Variants in PCED1B observed in about 807,000 individuals in gnomAD.
The protein encoded by PCED1B is PC-esterase domain-containing protein 1B.
For synonymous variants in PCED1B, 251 were observed against 246.1 expected (o/e 1.02, Z -0.19); for missense variants, 573 against 573.9 (o/e 1.00, Z 0.02).
chr12:47,213,101 A>G (rs79924760), intron 2 of PCED1B, among the ~76,000 whole-genome samples: 4,420 of 152,312 alleles, frequency 0.029, 91 homozygotes, highest in Non-Finnish European at 0.037. Context: ...TCAATCTGTA[A>G]CATCCCAAAT....
chr12:47,191,817 T>C (rs530428524), intron 2 of PCED1B, among the ~76,000 whole-genome samples: 1 of 152,054 alleles, frequency 6.6e-6, no homozygotes, highest in African/African-American at 2.4e-5. Context: ...GTGCTTTTTT[T>C]TTTAAGGACC....
intron 1 of PCED1B, among the ~76,000 whole-genome samples, chr12:47,099,229 G>T (rs1274970654): frequency 6.6e-6 from 1 of 152,222 alleles, no homozygotes; most frequent in Admixed American, 6.5e-5. Flanking sequence ...GACAGTAAGG[G>T]ATAACAATTC....
chr12:47,120,845 C>A (rs1315176892), intron 2 of PCED1B, among the ~76,000 whole-genome samples: 4 of 151,924 alleles, frequency 2.6e-5, no homozygotes, highest in Non-Finnish European at 5.9e-5. Flanking sequence ...CATGCTACAA[C>A]GTGGATGAAG....
In PCED1B at chr12:47,202,972, CT is replaced by C. The variant is rs59472089; in HGVS notation, c.-525-13236del. ...GTAAAGAATTACTTCTCTTTTCTTT[CT>C]TTTTTTTTTTTTTCCTGAGACAGTC... is the stretch of plus-strand genomic sequence containing the variant. On this transcript the variant is annotated intron_variant, in intron 2 of 3. Transcript: ENST00000546455. 6.5e-3 allele frequency among the ~76,000 whole-genome samples: 928 copies of C among 142,568 alleles called. 4 individuals are homozygous for C. Among genetic ancestry groups the C allele is most frequent in the African/African-American group, 0.016 (606 of 39,006 alleles). The allele number at this position is 142,568 out of a possible 152,430, so 93.5% of individuals were successfully genotyped here. A position where few individuals can be genotyped will look rare whatever the true frequency, so the allele number is the denominator to read the frequency against.
At position 47,236,281 on chromosome 12, in the gene PCED1B, T is replaced by C. The variant is rs759961201; in HGVS notation, c.1218T>C (p.Arg406=). ...GGGGTTTTGGCAGGTATCGTCCCCG[T>C]GGCCCCTATACGCCCTGGGGACAGC... is the stretch of plus-strand genomic sequence containing the variant. ...VHRGFGRYRP[R]GPYTPWGQRP... is the part of the protein sequence containing the mutation. Residue 406 remains arginine (R), a synonymous_variant, in exon 4 of 4, where the codon CGT becomes CGC. Coordinates refer to ENST00000546455, the MANE Select transcript of PCED1B (RefSeq NM_138371.3). The C allele has an allele frequency of 1.4e-5, 22 of 1,614,010 alleles. No homozygotes were observed. Among genetic ancestry groups the C allele is most frequent in the Non-Finnish European group, 1.8e-5 (21 of 1,180,018 alleles).
intron 2 of PCED1B, among the ~76,000 whole-genome samples, chr12:47,127,870 T>C (rs1166195278): frequency 6.6e-6 from 1 of 152,222 alleles, no homozygotes; most frequent in East Asian, 1.9e-4. Context: ...AATTGATTGA[T>C]AGTGTTGTTC....
chr12:47,145,613 G>A (rs558737981), intron 2 of PCED1B, among the ~76,000 whole-genome samples: 34 of 152,144 alleles, frequency 2.2e-4, no homozygotes, highest in Non-Finnish European at 4.7e-4. Context: ...AAATCCTAGG[G>A]CTCTTAGGAA....
At chr12:47,131,298 C>T (rs1320718771) in intron 2 of PCED1B, among the ~76,000 whole-genome samples, 1 of 152,192 alleles carries the variant, frequency 6.6e-6, no homozygotes, top group Non-Finnish European at 1.5e-5. Context: ...CAATCCTTGA[C>T]CTCAGAATGC....
chr12:47,150,295 GC>G (rs1348136157), intron 2 of PCED1B, among the ~76,000 whole-genome samples: 2 of 152,080 alleles, frequency 1.3e-5, no homozygotes, highest in Non-Finnish European at 2.9e-5. Context: ...AAAGAAATAG[GC>G]CGGGCGCGGT....
chr12:47,140,265 A>T (rs1351509575), intron 2 of PCED1B, among the ~76,000 whole-genome samples: 2 of 152,200 alleles, frequency 1.3e-5, no homozygotes, highest in Non-Finnish European at 2.9e-5. Context: ...AATCTTTTTC[A>T]ACTTTGTAAA....
intron 2 of PCED1B, among the ~76,000 whole-genome samples, chr12:47,120,575 G>A (rs1214561860): frequency 6.6e-6 from 1 of 152,168 alleles, no homozygotes; most frequent in Non-Finnish European, 1.5e-5. Flanking sequence ...GCTGAGGTGG[G>A]AGGATCACCT....
intron 2 of PCED1B, among the ~76,000 whole-genome samples, chr12:47,118,043 G>C (rs1371404102): frequency 6.7e-6 from 1 of 149,408 alleles, no homozygotes; most frequent in African/African-American, 2.6e-5. Context: ...TTTTGATGGG[G>C]TTGTTTGATT....
intron 2 of PCED1B, among the ~76,000 whole-genome samples, chr12:47,111,710 A>C (rs1939204431): frequency 2.0e-5 from 3 of 152,050 alleles, no homozygotes; most frequent in Admixed American, 6.6e-5. Context: ...GGCTTATTTC[A>C]CTCAGCATAA....
intron 2 of PCED1B, among the ~76,000 whole-genome samples, chr12:47,206,744 C>T (rs1476084760): frequency 6.7e-6 from 1 of 149,662 alleles, no homozygotes; most frequent in Admixed American, 6.7e-5. Flanking sequence ...TCATCTCTAC[C>T]CCGCCCCCGC....
At chr12:47,130,126 G>C (rs994346984) in intron 2 of PCED1B, among the ~76,000 whole-genome samples, 1 of 152,142 alleles carries the variant, frequency 6.6e-6, no homozygotes, top group East Asian at 1.9e-4. Flanking sequence ...GAGAGCCATT[G>C]AGTTGTAGGA....
chr12:47,183,245 T>C (rs1436239844), intron 2 of PCED1B, among the ~76,000 whole-genome samples: 1 of 152,178 alleles, frequency 6.6e-6, no homozygotes, highest in Non-Finnish European at 1.5e-5. Context: ...TGATTATATA[T>C]AGGTAAAGAG....
intron 2 of PCED1B, among the ~76,000 whole-genome samples, chr12:47,213,890 G>A (rs1048531508): frequency 1.3e-5 from 2 of 152,202 alleles, no homozygotes; most frequent in African/African-American, 4.8e-5. Flanking sequence ...AGTTTAAAGA[G>A]TATAAGTGTG....
In PCED1B at chr12:47,236,459, T is replaced by A; in HGVS notation, c.*97T>A. The A allele has an allele frequency of 7.9e-7, 1 of 1,258,822 alleles. No homozygotes were observed. Among genetic ancestry groups the A allele is most frequent in the Non-Finnish European group, 1.1e-6 (1 of 931,786 alleles). The allele number at this position is 1,258,822 out of a possible 1,614,324, so 78.0% of individuals were successfully genotyped here. Reference sequence around the variant, plus strand: ...GCCTGAACAGACTGACCTTGTTAACTTAAGCCTGGAGTCCATGCCTCGTCT... The same window carrying A: ...GCCTGAACAGACTGACCTTGTTAACATAAGCCTGGAGTCCATGCCTCGTCT... On this transcript the variant is annotated 3_prime_UTR_variant, in exon 4 of 4. Coordinates refer to ENST00000546455, the MANE Select transcript of PCED1B (RefSeq NM_138371.3).
At chr12:47,194,013 G>A (rs1942525056) in intron 2 of PCED1B, among the ~76,000 whole-genome samples, 1 of 152,120 alleles carries the variant, frequency 6.6e-6, no homozygotes, top group African/African-American at 2.4e-5. Flanking sequence ...CTCTTGCTGT[G>A]CTTTTGCTGT....
Sources: allele counts gnomAD v4.1 joint callset (sites outside exome capture counted in the v4.1 genomes callset), GRCh38; gene constraint gnomAD v4.1.1; transcripts MANE v1.5; gene names NCBI Gene and HGNC (gene_info 2026-07-23, HGNC 2026-07-21).